The following CFAP44 variants were observed in gnomAD, a reference collection of about 807,000 sequenced individuals.
CFAP44 encodes cilia and flagella associated protein 44, also known as cilia- and flagella-associated protein 44.
Under a neutral mutation model 216.2 loss-of-function variants are expected in CFAP44, and 134 were observed. The ratio of observed to expected loss-of-function variants is 0.62; its 90% confidence interval spans 0.54 to 0.72. The LOEUF (loss-of-function observed/expected upper bound fraction) is 0.72. Ranked by LOEUF, CFAP44 falls within the 30% of genes least tolerant of loss-of-function variation. The pLI is 0.00. For synonymous variants in CFAP44, 700 were observed against 727.6 expected (o/e 0.96, Z 0.61); for missense variants, 2,035 against 2,182.1 (o/e 0.93, Z 1.34).
intron 15 of CFAP44, among the ~76,000 whole-genome samples, chr3:113,389,422 T>C (rs908176926): frequency 2.6e-5 from 4 of 151,720 alleles, no homozygotes; most frequent in Non-Finnish European, 4.4e-5. Context: ...TCAAAAAAGA[T>C]AGAAAAACCT....
At chr3:113,379,188 A>C (rs983128306) in intron 17 of CFAP44, 118 bp downstream of exon 17, 2 of 712,422 alleles carry the variant, frequency 2.8e-6, no homozygotes, top group Admixed American at 4.0e-5. Context: ...AATGAAATCT[A>C]AAAAAAAATA....
chr3:113,349,544 CAAGGACACTTT>C (rs1158655307), intron 22 of CFAP44, among the ~76,000 whole-genome samples: 1 of 152,158 alleles, frequency 6.6e-6, no homozygotes, highest in Non-Finnish European at 1.5e-5. Context: ...GTGTGGTTTG[CAAGGACACTTT>C]AAAAAAGATT....
intron 6 of CFAP44, among the ~76,000 whole-genome samples, chr3:113,410,382 A>G (rs1400356910): frequency 2.0e-5 from 3 of 151,976 alleles, no homozygotes; most frequent in Non-Finnish European, 4.4e-5. Context: ...CCCACCTATG[A>G]GTGAGAACAT....
chr3:113,352,944 C>A (rs1405289315), intron 22 of CFAP44, among the ~76,000 whole-genome samples: 1 of 152,208 alleles, frequency 6.6e-6, no homozygotes, highest in East Asian at 1.9e-4. Flanking sequence ...TTGTTATCTC[C>A]TTCCATATGT....
chr3:113,293,875 C>A, intron 34 of CFAP44: 2 of 367,088 alleles, frequency 5.4e-6, no homozygotes, highest in South Asian at 4.2e-5. Flanking sequence ...CCCGGGAAGG[C>A]TGGTTAATGC....
chr3:113,316,249 A>G (rs1950085822), intron 28 of CFAP44, among the ~76,000 whole-genome samples: 1 of 152,242 alleles, frequency 6.6e-6, no homozygotes, highest in Non-Finnish European at 1.5e-5. Flanking sequence ...CATTGACCAG[A>G]GTGAAAATTA....
At chr3:113,400,055 C>A in intron 12 of CFAP44, 55 bp from the exon 13 acceptor site, 1 of 1,184,902 alleles carries the variant, frequency 8.4e-7, no homozygotes, top group South Asian at 1.8e-5. Flanking sequence ...TTTTTTAAGT[C>A]TTGGCTCACT....
rs1387277279 is a variant in CFAP44 at position 113,401,302 on chromosome 3, T to C, written c.1327-15A>G. The C allele has an allele frequency of 2.5e-6, 4 of 1,573,746 alleles. No individual in the cohort carries two copies. The highest frequency in any genetic ancestry group is 2.6e-6 in the Non-Finnish European group (3 of 1,166,532). The stretch of plus-strand genomic sequence containing the variant: ...CCATTGGCATCCTAAAAAAATTAAA[T>C]AGTATTTTGTTTTATCATTTTAAAC... On this transcript the variant is annotated splice_polypyrimidine_tract_variant and intron_variant, in intron 10 of 34. Coordinates refer to ENST00000393845, the MANE Select transcript of CFAP44 (RefSeq NM_001164496.2).
chr3:113,379,072 C>T (rs533996794), intron 17 of CFAP44, among the ~76,000 whole-genome samples: 14 of 151,998 alleles, frequency 9.2e-5, no homozygotes, highest in African/African-American at 3.1e-4. Context: ...TTTATCTGTA[C>T]AATTATCTGC....
chr3:113,429,896 G>A (rs895083953), intron 2 of CFAP44, among the ~76,000 whole-genome samples: 4 of 152,010 alleles, frequency 2.6e-5, no homozygotes, highest in Non-Finnish European at 4.4e-5. Flanking sequence ...ATAGTAACAC[G>A]TATCTTTCAG....
chr3:113,354,082 C>T (rs1950471770), intron 22 of CFAP44, among the ~76,000 whole-genome samples: 1 of 137,748 alleles, frequency 7.3e-6, no homozygotes, highest in African/African-American at 2.8e-5. Context: ...AAAGGCAAGC[C>T]TCAAAAAAAA....
Position 113,380,883 on chromosome 3 carries a change from C to A in CFAP44, c.2052+16G>T. 1 of 1,532,676 alleles carries A rather than the reference C, an allele frequency of 6.5e-7. No individual in the cohort carries two copies. The highest frequency in any genetic ancestry group is 8.8e-7 in the Non-Finnish European group (1 of 1,140,762). 94.9% of individuals were successfully genotyped at this position (1,532,676 alleles called of 1,614,324 possible). A position where few individuals can be genotyped will look rare whatever the true frequency, so the allele number is the denominator to read the frequency against. On this transcript the variant is annotated intron_variant, in intron 16 of 34. Transcript: ENST00000393845. ...AGGAAATTATTATAAGATAATGCTT[C>A]AGGAATATTCCATACCAGAATCTTA...
chr3:113,431,855 A>G (rs1935114512), intron 2 of CFAP44, among the ~76,000 whole-genome samples: 1 of 152,218 alleles, frequency 6.6e-6, no homozygotes, highest in Non-Finnish European at 1.5e-5. Flanking sequence ...TTAAATAGTC[A>G]AGATTCCACT....
chr3:113,295,110 C>A (rs1228030064), intron 33 of CFAP44, among the ~76,000 whole-genome samples: 1 of 152,204 alleles, frequency 6.6e-6, no homozygotes, highest in African/African-American at 2.4e-5. Flanking sequence ...TGCTGGTACT[C>A]ATTACTTAAA....
rs775124777 is a variant in CFAP44, at chr3:113,396,522, G to C, written c.1775C>G (p.Thr592Arg). The change falls in exon 14 of 35, where the codon ACA becomes AGA. Residue 592 changes from threonine (T) to arginine (R), a missense_variant. This residue lies in a region of CFAP44 where 1,883 missense variants were observed against 2,023.7 expected (regional missense o/e 0.93). Coordinates refer to ENST00000393845, the MANE Select transcript of CFAP44 (RefSeq NM_001164496.2). ...AYERDGEILATGSKDQTVFFF... is the reference protein window; with the variant it reads ...AYERDGEILARGSKDQTVFFF... ...GAAAGGAAATGTACTGCTTACCCCT[G>C]TGGCTAGAATTTCCCCATCACGTTC... 6.8e-6 allele frequency: 11 copies of C among 1,614,032 alleles called. No individual in the cohort carries two copies. In the South Asian group the frequency reaches 1.2e-4, roughly 18 times the overall value.
intron 15 of CFAP44, 83 bp from the exon 16 acceptor site, chr3:113,381,143 T>C: frequency 1.0e-6 from 1 of 1,000,382 alleles, no homozygotes. Context: ...AAAAATATAA[T>C]TACTATGTAT....
In CFAP44 at chr3:113,287,260, T is replaced by C. The variant is rs1037844512; in HGVS notation, c.*4297A>G. ...CAGCAAGGGGCACGGTATCACAGCC[T>C]GGAGACACCCACACAGATGGCTGGA... On this transcript the variant is annotated 3_prime_UTR_variant, in exon 35 of 35. Transcript: ENST00000393845. The C allele has an allele frequency of 1.2e-4, 42 of 342,724 alleles. No homozygotes were observed. The highest frequency in any genetic ancestry group is 2.1e-4 in the Non-Finnish European group (37 of 175,842). 21.2% of individuals were successfully genotyped at this position (342,724 alleles called of 1,614,324 possible).
chr3:113,308,269 C>A lies in CFAP44; in HGVS notation c.4517-1G>T. On this transcript the variant is annotated splice_acceptor_variant, in intron 28 of 34. Transcript: ENST00000393845. LOFTEE classifies it high-confidence loss of function. ...GATTCCTCACTCTCCTCATCTTCATCTATGGAAAGAGGAGGGCATTGTTAA... is the reference window on the plus strand; with the variant it reads ...GATTCCTCACTCTCCTCATCTTCATATATGGAAAGAGGAGGGCATTGTTAA... 1 of 1,526,902 alleles carries A rather than the reference C, an allele frequency of 6.5e-7. No homozygotes were observed. The highest frequency in any genetic ancestry group is 8.8e-7 in the Non-Finnish European group (1 of 1,142,574). The allele number at this position is 1,526,902 out of a possible 1,614,324, so 94.6% of individuals were successfully genotyped here. A position where few individuals can be genotyped will look rare whatever the true frequency, so the allele number is the denominator to read the frequency against.
chr3:113,345,047 T>C (rs1950367456), intron 22 of CFAP44, among the ~76,000 whole-genome samples: 2 of 148,968 alleles, frequency 1.3e-5, no homozygotes, highest in African/African-American at 4.9e-5. Context: ...GGAAATAGAA[T>C]CCATCTCCCT....
Sources: gnomAD v4.1 joint callset for allele counts (sites outside exome capture counted in the v4.1 genomes callset) on GRCh38, gnomAD v4.1.1 for gene constraint, gnomAD v4.1.1 regional missense constraint, MANE v1.5 for transcripts, NCBI Gene and HGNC (gene_info 2026-07-23, HGNC 2026-07-21) for gene names.